The following GANAB variants were observed in gnomAD, a reference collection of about 807,000 sequenced individuals.
GANAB encodes neutral alpha-glucosidase AB.
GANAB carries 35 observed loss-of-function variants against 129.9 expected under a neutral mutation model. The ratio of observed to expected loss-of-function variants is 0.27; its 90% CI spans 0.21 to 0.36. GANAB has a LOEUF of 0.36. Among genes scored for constraint, GANAB ranks in the 10% least tolerant of loss-of-function variants. GANAB has a pLI of 1.00. For missense variants in GANAB, 939 were observed against 1,221.0 expected, an observed-to-expected ratio of 0.77 and a Z score of 3.44; for synonymous variants, 482 against 451.8, an observed-to-expected ratio of 1.07 and a Z score of -0.85.
chr11:62,625,170 G>A lies in GANAB; in HGVS notation c.*645C>T, dbSNP rs554545557. ...GTCTTTCTGCCGAGGGACAGAGGAG[G>A]TAGAACTGCCCCTCTAAGAATTGCA... On this transcript the variant is annotated 3_prime_UTR_variant, in exon 24 of 24. Transcript: ENST00000356638. 8.8e-6 allele frequency: 4 copies of A among 453,984 alleles called. No individual in the cohort carries two copies. Among genetic ancestry groups the A allele is most frequent in the South Asian group, 6.2e-5 (4 of 64,436 alleles). The allele number at this position is 453,984 out of a possible 1,614,324, so 28.1% of individuals were successfully genotyped here.
Position 62,630,130 on chromosome 11 carries a change from G to T in GANAB, c.1593+67C>A, listed in dbSNP as rs1227013715. The T allele has an allele frequency of 3.6e-6, 5 of 1,395,606 alleles. No homozygotes were observed. The African/African-American group carries it at 4.2e-5, about 12-fold the overall frequency. The allele number at this position is 1,395,606 out of a possible 1,614,324, so 86.5% of individuals were successfully genotyped here. A position where few individuals can be genotyped will look rare whatever the true frequency, so the allele number is the denominator to read the frequency against. On this transcript the variant is annotated intron_variant, in intron 13 of 23. Transcript: ENST00000356638. ...CAATCAACCATAGAAGGGTTGGCAA[G>T]CCGAGAGAGATTCAGGGAGGCAGGT...
rs1335256857 is a variant in GANAB at position 62,625,330 on chromosome 11, A to C, written c.*485T>G. ...GGTCCCAGTGTATCGGTGGGGCATA[A>C]AAAGGGGAGTAAAGCCTGGAGGAAG... On this transcript the variant is annotated 3_prime_UTR_variant, in exon 24 of 24. Coordinates refer to ENST00000356638, the MANE Select transcript of GANAB (RefSeq NM_198334.3). 4.4e-6 allele frequency: 2 copies of C among 454,044 alleles called. No individual in the cohort carries two copies. The highest frequency in any genetic ancestry group is 8.8e-6 in the Non-Finnish European group (2 of 226,240). 28.1% of individuals were successfully genotyped at this position (454,044 alleles called of 1,614,324 possible).
chr11:62,646,499 T>G, intron 1 of GANAB, 63 bp downstream of exon 1: 1 of 1,558,156 alleles, frequency 6.4e-7, no homozygotes. Context: ...CAGGAAGGAG[T>G]GGAATGGGAC....
chr11:62,638,784 C>A (rs936162250), intron 4 of GANAB, among the ~76,000 whole-genome samples, 199 bp downstream of exon 4: 2 of 151,978 alleles, frequency 1.3e-5, no homozygotes, highest in Middle Eastern at 6.8e-3. Flanking sequence ...TAATTGTTTG[C>A]TGAATGAATG....
intron 5 of GANAB, chr11:62,634,203 G>A: frequency 2.7e-6 from 2 of 750,114 alleles, no homozygotes; most frequent in East Asian, 5.0e-5. Flanking sequence ...GGGGAAAGTG[G>A]GGTGAGTGAA....
chr11:62,642,941 G>A (rs931845083), intron 1 of GANAB, among the ~76,000 whole-genome samples: 26 of 152,136 alleles, frequency 1.7e-4, no homozygotes, highest in Admixed American at 3.3e-4. Context: ...GAAACGAACT[G>A]AACCCAGTTG....
rs78072696 is a variant in GANAB, at chr11:62,639,852, A to G, written c.39-121T>C. ...ATAGTTGAGGAAAGAGGGGAGAAAGATGTAGTCACATCAAATACAAAACAA... is the reference window on the plus strand; with the variant it reads ...ATAGTTGAGGAAAGAGGGGAGAAAGGTGTAGTCACATCAAATACAAAACAA... On this transcript the variant is annotated intron_variant, in intron 1 of 23. Coordinates refer to ENST00000356638, the MANE Select transcript of GANAB (RefSeq NM_198334.3). 5,106 of 675,268 alleles carry G rather than the reference A, an allele frequency of 7.6e-3. 39 individuals are homozygous for G. Among genetic ancestry groups the G allele is most frequent in the Non-Finnish European group, 0.011 (4,183 of 372,412 alleles). The allele number at this position is 675,268 out of a possible 1,614,324, so 41.8% of individuals were successfully genotyped here.
Position 62,634,812 on chromosome 11 carries a change from T to C in GANAB, c.560+9A>G. Reference sequence around the variant, plus strand: ...CTAGGTTCCCTGCAGTCCCAACCCCTGTACTCACGAGACCCTAGGGGCCCT... The same window carrying C: ...CTAGGTTCCCTGCAGTCCCAACCCCCGTACTCACGAGACCCTAGGGGCCCT... On this transcript the variant is annotated intron_variant, in intron 5 of 23. Transcript: ENST00000356638. 1 of 1,610,390 alleles carries C rather than the reference T, an allele frequency of 6.2e-7. No homozygotes were observed. Among genetic ancestry groups the C allele is most frequent in the Non-Finnish European group, 8.5e-7 (1 of 1,176,836 alleles).
Position 62,627,182 on chromosome 11 carries a change from C to T in GANAB, c.2246-58G>A, listed in dbSNP as rs147361014. 1.0e-4 allele frequency: 151 copies of T among 1,489,500 alleles called. 1 individual carries two copies. In the African/African-American group the frequency reaches 1.6e-3, roughly 16 times the overall value. 92.3% of individuals were successfully genotyped at this position (1,489,500 alleles called of 1,614,324 possible). A position where few individuals can be genotyped will look rare whatever the true frequency, so the allele number is the denominator to read the frequency against. On this transcript the variant is annotated intron_variant, in intron 18 of 23. Transcript: ENST00000356638. Reference sequence around the variant, plus strand: ...GGATTAGTTCCCAGAACAGGGAACACCAAAGTGCCTGCCCTCTGCACCACC... The same window carrying T: ...GGATTAGTTCCCAGAACAGGGAACATCAAAGTGCCTGCCCTCTGCACCACC...
intron 5 of GANAB, 141 bp downstream of exon 5, chr11:62,634,680 T>C: frequency 1.4e-6 from 1 of 724,904 alleles, no homozygotes; most frequent in Non-Finnish European, 2.3e-6. Flanking sequence ...GTCTGGTTCC[T>C]ACCCTCCCTG....
chr11:62,629,372 G>A (rs915159772), intron 15 of GANAB, 77 bp from the exon 16 acceptor site: 8 of 1,043,562 alleles, frequency 7.7e-6, no homozygotes, highest in African/African-American at 1.6e-5. Flanking sequence ...TCCCACATCC[G>A]CTCTGGGTCC....
chr11:62,630,212 G>A lies in GANAB; in HGVS notation c.1578C>T (p.Ser526=), dbSNP rs1348611514. The part of the protein sequence containing the change: ...TMRAWWANMF[S]YDNYEGSAPN... Reference sequence around the variant, plus strand: ...CCTTCCCTACCTCATAATTGTCATAGCTGAACATGTTAGCCCACCAGGCCC... The same window carrying A: ...CCTTCCCTACCTCATAATTGTCATAACTGAACATGTTAGCCCACCAGGCCC... The change falls in exon 13 of 24, where the codon AGC becomes AGT. Residue 526 remains serine, a synonymous_variant. Transcript: ENST00000356638. 2 of 1,611,744 alleles carry A rather than the reference G, an allele frequency of 1.2e-6. No homozygotes were observed. The highest frequency in any genetic ancestry group is 8.5e-7 in the Non-Finnish European group (1 of 1,178,128).
chr11:62,639,823 G>A (rs749735294), intron 1 of GANAB, 92 bp from the exon 2 acceptor site: 7 of 757,228 alleles, frequency 9.2e-6, no homozygotes, highest in Non-Finnish European at 1.7e-5. Flanking sequence ...CATAGCACTA[G>A]AAGATAGTTG....
intron 15 of GANAB, 48 bp from the exon 16 acceptor site, chr11:62,629,343 G>T: frequency 7.6e-7 from 1 of 1,320,888 alleles, no homozygotes; most frequent in Non-Finnish European, 1.1e-6. Context: ...AAGGAGTTCA[G>T]CTTTTTACAT....
At chr11:62,634,771 C>T (rs1315571279) in intron 5 of GANAB, 50 bp downstream of exon 5, 1 of 1,464,560 alleles carries the variant, frequency 6.8e-7, no homozygotes, top group Admixed American at 1.7e-5. Context: ...TCACAACACC[C>T]CTATGCTCTT....
intron 5 of GANAB, 139 bp downstream of exon 5, chr11:62,634,682 C>A: frequency 5.5e-6 from 4 of 731,666 alleles, no homozygotes; most frequent in Non-Finnish European, 9.2e-6. Context: ...CTGGTTCCTA[C>A]CCTCCCTGAC....
At position 62,646,587 on chromosome 11, in the gene GANAB, C is replaced by T; in HGVS notation, c.13G>A (p.Ala5Thr). 2 of 1,613,918 alleles carry T rather than the reference C, an allele frequency of 1.2e-6. No individual in the cohort carries two copies. Among genetic ancestry groups the T allele is most frequent in the Middle Eastern group, 1.6e-4 (1 of 6,062 alleles). ...CGCCTCCTACGCGCCGCCACTGCCG[C>T]TACCGCCGCCATCTTGTGCAGAGTT... MAAV[A>T]AVAARRRRSW... is the part of the protein sequence containing the mutation. The change falls in exon 1 of 24, where the codon GCG (alanine) becomes ACG (threonine). Residue 5 changes from alanine (A) to threonine (T), a missense_variant. Transcript: ENST00000356638.
intron 16 of GANAB, 80 bp downstream of exon 16, chr11:62,629,114 G>C (rs1348922444): frequency 2.0e-6 from 3 of 1,538,086 alleles, no homozygotes; most frequent in Non-Finnish European, 2.7e-6. Context: ...AACTCTCTTT[G>C]CTTACAACAC....
Position 62,639,385 on chromosome 11 carries a change from C to A in GANAB, c.226G>T (p.Val76Phe), listed in dbSNP as rs1384463982. 2 of 1,611,632 alleles carry A rather than the reference C, an allele frequency of 1.2e-6. No homozygotes were observed. The highest frequency in any genetic ancestry group is 3.3e-5 in the Admixed American group (2 of 59,906). Residue 76 changes from valine (V) to phenylalanine (F), a missense_variant, in exon 3 of 24, where the codon GTC (valine) becomes TTC (phenylalanine). Transcript: ENST00000356638. Reference sequence around the variant, plus strand: ...TTGGTGACCTCATGGATCAGATGGACCGTGAGGGAATCAGGACCAAGCTGT... The same window carrying A: ...TTGGTGACCTCATGGATCAGATGGAACGTGAGGGAATCAGGACCAAGCTGT... ...SLQLGPDSLT[V>F]HLIHEVTKVL...
Sources: allele counts gnomAD v4.1 joint callset (sites outside exome capture counted in the v4.1 genomes callset), GRCh38; gene constraint gnomAD v4.1.1; transcripts MANE v1.5; gene names NCBI Gene and HGNC (gene_info 2026-07-23, HGNC 2026-07-21).